The following PEAK1 variants were observed in gnomAD, a reference collection of about 807,000 sequenced individuals.
The protein encoded by PEAK1 is pseudopodium enriched atypical kinase 1, also known as inactive tyrosine-protein kinase PEAK1.
In PEAK1, 54 loss-of-function variants were observed where a neutral mutation model predicts 124.7. That is an observed-to-expected ratio of 0.43 (90% CI 0.35 to 0.54). PEAK1 has a LOEUF of 0.54. PEAK1 is among the 20% of genes least tolerant of loss of function. PEAK1 has a pLI of 0.01. For missense variants in PEAK1, 2,046 were observed against 2,134.5 expected, an observed-to-expected ratio of 0.96 and a Z score of 0.82; for synonymous variants, 719 against 760.0, an observed-to-expected ratio of 0.95 and a Z score of 0.89.
Position 77,179,055 on chromosome 15 carries a change from T to C in PEAK1, c.2872A>G (p.Thr958Ala), listed in dbSNP as rs762143581. The change falls in exon 7 of 10, where the codon ACA (threonine) becomes GCA (alanine). Residue 958 changes from threonine (T) to alanine (A), a missense_variant. Thr to Ala is a moderately conservative substitution (Grantham distance 58). Transcript: ENST00000682557. ...GGAGGAGGCAGCATGTGAATGACTG[T>C]GCCATCCAGGCCCACCAGTTTCCCT... ...EKGKLVGLDG[T>A]VIHMLPPPPV... The C allele has an allele frequency of 2.5e-6, 4 of 1,614,164 alleles. No homozygotes were observed. Among genetic ancestry groups the C allele is most frequent in the South Asian group, 2.2e-5 (2 of 91,086 alleles).
rs1303296178 is a variant in PEAK1 at position 77,113,729 on chromosome 15, G to A, written c.*427C>T. The A allele has an allele frequency of 5.7e-6, 1 of 176,400 alleles. No homozygotes were observed. Among genetic ancestry groups the A allele is most frequent in the Non-Finnish European group, 1.2e-5 (1 of 82,134 alleles). The allele number at this position is 176,400 out of a possible 1,614,324, so 10.9% of individuals were successfully genotyped here. On this transcript the variant is annotated 3_prime_UTR_variant, in exon 10 of 10. Transcript: ENST00000682557. ...TGTCAGAGTCTACTGGGTCGTGGTA[G>A]AGACTGGTTAAGTCTGTCTACTGCT...
chr15:77,354,319 C>A (rs1006711151), intron 2 of PEAK1, among the ~76,000 whole-genome samples: 1 of 152,152 alleles, frequency 6.6e-6, no homozygotes, highest in African/African-American at 2.4e-5. Flanking sequence ...CACCCAACAC[C>A]AATATTTAAT....
Position 77,181,414 on chromosome 15 carries a change from G to A in PEAK1, c.513C>T (p.Asn171=), listed in dbSNP as rs924769202. 6.2e-7 allele frequency: 1 copy of A among 1,614,012 alleles called. No individual in the cohort carries two copies. Among genetic ancestry groups the A allele is most frequent in the African/African-American group, 1.3e-5 (1 of 74,898 alleles). The change falls in exon 7 of 10, where the codon AAC becomes AAT. Residue 171 remains asparagine (N), a synonymous_variant. Coordinates refer to ENST00000682557, the MANE Select transcript of PEAK1 (RefSeq NM_001385026.1). ...TTCTTCCCAAGAATGTTTCTCTGGA[G>A]TTTGTTTCATTTCCTCTTATCTGAG... ...TAPQIRGNET[N]SRETFLGRIN... is the part of the protein sequence containing the mutation.
rs559990877 is a variant in PEAK1, at chr15:77,311,234, G to A, written c.-602-24730C>T. Reference sequence around the variant, plus strand: ...GAGTTATTATGCAATAACAGAGGCTGGGTACAGGAATTCTTGACAGGGATA... The same window carrying A: ...GAGTTATTATGCAATAACAGAGGCTAGGTACAGGAATTCTTGACAGGGATA... On this transcript the variant is annotated intron_variant, in intron 2 of 9. Transcript: ENST00000682557. Among the ~76,000 whole-genome samples the A allele has an allele frequency of 1.5e-4, 23 of 152,292 alleles. No individual in the cohort carries two copies. In the South Asian group the frequency reaches 4.8e-3, roughly 32 times the overall value.
chr15:77,326,806 A>G (rs1312164300), intron 2 of PEAK1, among the ~76,000 whole-genome samples: 24 of 152,128 alleles, frequency 1.6e-4, no homozygotes. Context: ...TGGGATATAC[A>G]TATATAAAAA....
intron 2 of PEAK1, chr15:77,349,683 T>C (rs1350428343): frequency 1.0e-6 from 1 of 984,808 alleles, no homozygotes; most frequent in Non-Finnish European, 1.2e-6. Flanking sequence ...CTTTACATTG[T>C]CCTTTCTTCA....
chr15:77,105,941 G>C (rs1387044052), downstream of PEAK1: 2 of 152,316 alleles, frequency 1.3e-5, no homozygotes, highest in Admixed American at 6.5e-5. Context: ...CCCACGCTGG[G>C]TGATGTGATG....
At position 77,371,243 on chromosome 15, in the gene PEAK1, C is replaced by T. The variant is rs1390659406; in HGVS notation, c.-665-6018G>A. The T allele has an allele frequency of 3.1e-6, 3 of 982,154 alleles. No homozygotes were observed. The African/African-American group carries it at 5.3e-5, about 17-fold the overall frequency. The allele number at this position is 982,154 out of a possible 1,614,324, so 60.8% of individuals were successfully genotyped here. On this transcript the variant is annotated intron_variant, in intron 1 of 9. Coordinates refer to ENST00000682557, the MANE Select transcript of PEAK1 (RefSeq NM_001385026.1). ...CTTTCACATTCTGGTTCACTCCAAA[C>T]CTAGGGCCTAGTAGATGCTACCTAA... is the stretch of plus-strand genomic sequence containing the variant.
intron 2 of PEAK1, among the ~76,000 whole-genome samples, chr15:77,344,637 T>C (rs1375982308): frequency 1.3e-5 from 2 of 152,244 alleles, no homozygotes; most frequent in Non-Finnish European, 2.9e-5. Flanking sequence ...ATTGAATCTA[T>C]AAATTGCTTT....
At chr15:77,357,046 T>C (rs1461297690) in intron 2 of PEAK1, among the ~76,000 whole-genome samples, 1 of 152,116 alleles carries the variant, frequency 6.6e-6, no homozygotes, top group South Asian at 2.1e-4. Context: ...GTGGAAGGAT[T>C]ACCTGAGCCC....
At chr15:77,300,104 C>A (rs935923318) in intron 2 of PEAK1, among the ~76,000 whole-genome samples, 2 of 152,196 alleles carry the variant, frequency 1.3e-5, no homozygotes, top group Non-Finnish European at 2.9e-5. Context: ...TAGAATCAGT[C>A]ATTGTCCAAG....
At chr15:77,197,207 G>T (rs1377288674) in intron 6 of PEAK1, among the ~76,000 whole-genome samples, 1 of 151,990 alleles carries the variant, frequency 6.6e-6, no homozygotes, top group African/African-American at 2.4e-5. Context: ...TCTGATACAT[G>T]GCAATAGATA....
At chr15:77,392,309 T>C (rs1850224892) in intron 1 of PEAK1, among the ~76,000 whole-genome samples, 1 of 152,204 alleles carries the variant, frequency 6.6e-6, no homozygotes, top group South Asian at 2.1e-4. Context: ...CCTGTGTAGC[T>C]TAGATCATAA....
chr15:77,116,692 A>AAATCAATC (rs757001985), intron 9 of PEAK1, among the ~76,000 whole-genome samples: 4 of 143,758 alleles, frequency 2.8e-5, no homozygotes, highest in Admixed American at 7.2e-5. Context: ...AGTGCCATGG[A>AAATCAATC]AATCAATCAA....
chr15:77,123,917 T>C (rs574572082), intron 9 of PEAK1, among the ~76,000 whole-genome samples: 2 of 152,130 alleles, frequency 1.3e-5, no homozygotes, highest in South Asian at 4.2e-4. Context: ...AAGATATGGA[T>C]GAGATGGAAA....
chr15:77,277,680 T>A (rs1230623206), intron 5 of PEAK1, among the ~76,000 whole-genome samples: 1 of 152,158 alleles, frequency 6.6e-6, no homozygotes, highest in East Asian at 1.9e-4. Flanking sequence ...AAGTAAATAT[T>A]TTTGTTCTAA....
In PEAK1 at chr15:77,341,425, G is replaced by A. The variant is rs572393029; in HGVS notation, c.-603+23738C>T. On this transcript the variant is annotated intron_variant, in intron 2 of 9. Transcript: ENST00000682557. ...TGAGGCAGAAGAATCACTTGAACCC[G>A]GGAGGCAGAGGTTGCAGTGAGCTGA... is the stretch of plus-strand genomic sequence containing the variant. Among the ~76,000 whole-genome samples, 14 of 152,100 alleles carry A rather than the reference G, an allele frequency of 9.2e-5. No homozygotes were observed. The South Asian group carries it at 1.5e-3, about 16-fold the overall frequency.
At chr15:77,326,387 T>A (rs577122343) in intron 2 of PEAK1, among the ~76,000 whole-genome samples, 168 of 152,124 alleles carry the variant, frequency 1.1e-3, no homozygotes, top group African/African-American at 3.9e-3. Context: ...TTAGGAGAAA[T>A]AAAAGAAAGG....
intron 2 of PEAK1, chr15:77,353,109 A>G (rs761386591): frequency 7.4e-6 from 3 of 403,826 alleles, no homozygotes; most frequent in Non-Finnish European, 1.0e-5. Context: ...ACTGCTTTTC[A>G]ATATCAACCC....
Sources: allele counts gnomAD v4.1 joint callset (sites outside exome capture counted in the v4.1 genomes callset), GRCh38; gene constraint gnomAD v4.1.1; transcripts MANE v1.5; gene names NCBI Gene and HGNC (gene_info 2026-07-23, HGNC 2026-07-21).